The following IRF4 variants were observed in gnomAD, a reference collection of about 807,000 sequenced individuals.
The protein encoded by IRF4 is interferon regulatory factor 4.
Under a neutral mutation model 55.5 loss-of-function variants are expected in IRF4, and 13 were observed. That is an observed-to-expected ratio of 0.23 (90% CI 0.15 to 0.37). The LOEUF (loss-of-function observed/expected upper bound fraction) is 0.37. Among genes scored for constraint, IRF4 ranks in the 10% least tolerant of loss-of-function variants. The pLI, the probability that IRF4 is intolerant of heterozygous loss-of-function variation, is 1.00. For missense variants in IRF4, 397 were observed against 593.8 expected (o/e 0.67, Z 3.44); for synonymous variants, 249 against 240.7 (o/e 1.03, Z -0.32).
At chr6:407,352 C>T (rs541208374) in intron 8 of IRF4, 103 bp from the exon 9 acceptor site, 4 of 1,140,484 alleles carry the variant, frequency 3.5e-6, no homozygotes, top group Non-Finnish European at 5.0e-6. Context: ...TAGGATGTAA[C>T]TTTGGGCTTT....
chr6:395,309 T>C (rs2127437145), intron 3 of IRF4, among the ~76,000 whole-genome samples: 1 of 152,158 alleles, frequency 6.6e-6, no homozygotes, highest in African/African-American at 2.4e-5. Flanking sequence ...GAAAACTGGA[T>C]AACTTGTTAA....
At chr6:397,402 A>G (rs1761293994) in intron 5 of IRF4, 150 bp downstream of exon 5, 2 of 876,110 alleles carry the variant, frequency 2.3e-6, no homozygotes, top group African/African-American at 3.4e-5. Context: ...GGGTTTTCTC[A>G]CTCCTGTGGG....
rs1400777715 is a variant in IRF4 at position 401,714 on chromosome 6, C to T, written c.1036C>T (p.Arg346Trp). Residue 346 changes from arginine (R) to tryptophan (W), a missense_variant, in exon 7 of 9, where the codon CGG becomes TGG. By Grantham distance (101) the Arg-to-Trp change is moderately radical. Coordinates refer to ENST00000380956, the MANE Select transcript of IRF4 (RefSeq NM_002460.4). ...CGGGCCCCTGGCGCTGTGCAACGAC[C>T]GGCCCAACAAACTGGAGAGAGACCA... ...WDGPLALCND[R>W]PNKLERDQTC... The T allele has an allele frequency of 3.1e-6, 5 of 1,614,078 alleles. No homozygotes were observed. Among genetic ancestry groups the T allele is most frequent in the East Asian group, 2.2e-5 (1 of 44,900 alleles).
chr6:393,766 G>A lies in IRF4; in HGVS notation c.216+398G>A, dbSNP rs9328167. On this transcript the variant is annotated intron_variant, in intron 2 of 8. Coordinates refer to ENST00000380956, the MANE Select transcript of IRF4 (RefSeq NM_002460.4). The surrounding 1 kb of genome is among the most constrained non-coding windows in gnomAD (Gnocchi z 5.4). ...TCCCCCTCGCCCTCTCCGTGCGTCC[G>A]CGCCTGTGCCGGCGGCTGTTTTCGT... Among the ~76,000 whole-genome samples, 807 of 152,316 alleles carry A rather than the reference G, an allele frequency of 5.3e-3. 12 individuals carry two copies. The highest frequency in any genetic ancestry group is 0.019 in the African/African-American group (771 of 41,566).
Position 393,302 on chromosome 6 carries a change from C to T in IRF4, c.150C>T (p.Phe50=), listed in dbSNP as rs747212033. The part of the protein sequence containing the change: ...LVWENEEKSI[F]RIPWKHAGKQ... ...GGGAGAACGAGGAGAAGAGCATCTT[C>T]CGCATCCCCTGGAAGCACGCGGGCA... is the stretch of plus-strand genomic sequence containing the variant. The change falls in exon 2 of 9, where the codon TTC becomes TTT. Residue 50 remains phenylalanine (F), a synonymous_variant. Coordinates refer to ENST00000380956, the MANE Select transcript of IRF4 (RefSeq NM_002460.4). This position sits in a 1 kb window ranked among gnomAD's most constrained non-coding sequence, Gnocchi z 5.4. 37 of 1,608,200 alleles carry T rather than the reference C, an allele frequency of 2.3e-5. No individual in the cohort carries two copies. The South Asian group carries it at 3.5e-4, about 15-fold the overall frequency.
Position 395,883 on chromosome 6 carries a change from C to G in IRF4, c.440C>G (p.Ser147Cys). The change falls in exon 4 of 9, where the codon TCC (serine) becomes TGC (cysteine). Residue 147 changes from serine to cysteine, a missense_variant. Coordinates refer to ENST00000380956, the MANE Select transcript of IRF4 (RefSeq NM_002460.4). ...KQLTLEDPQM[S>C]MSHPYTMTTP... ...CTCACCCTGGAGGACCCGCAGATGT[C>G]CATGAGCCACCCCTACACCATGACA... 1 of 1,613,914 alleles carries G rather than the reference C, an allele frequency of 6.2e-7. No homozygotes were observed. The highest frequency in any genetic ancestry group is 8.5e-7 in the Non-Finnish European group (1 of 1,179,896).
intron 8 of IRF4, 97 bp downstream of exon 8, chr6:405,227 A>G: frequency 1.4e-6 from 1 of 709,534 alleles, no homozygotes; most frequent in Non-Finnish European, 2.4e-6. Flanking sequence ...GTAAATGTCA[A>G]ATGACCTGGA....
At chr6:392,996 C>T (rs1581220548) in intron 1 of IRF4, 102 bp from the exon 2 acceptor site, 1 of 660,254 alleles carries the variant, frequency 1.5e-6, no homozygotes, top group Non-Finnish European at 2.4e-6. Context: ...CGCTTCGCAG[C>T]CTCAAAGACT....
At chr6:398,527 C>T (rs764730571) in intron 5 of IRF4, among the ~76,000 whole-genome samples, 5 of 152,244 alleles carry the variant, frequency 3.3e-5, no homozygotes, top group Non-Finnish European at 7.3e-5. Flanking sequence ...AAGGACAAAG[C>T]ATGTCATCTG....
At chr6:396,643 C>T (rs1310147315) in intron 4 of IRF4, among the ~76,000 whole-genome samples, 8 of 38,198 alleles carry the variant, frequency 2.1e-4, no homozygotes, top group Non-Finnish European at 5.2e-4. Flanking sequence ...CCTTTACCCC[C>T]GTCTCGATGC....
chr6:410,878 G>T lies in IRF4; in HGVS notation c.*3280G>T, dbSNP rs1050244674. The T allele has an allele frequency of 7.7e-5, 18 of 232,606 alleles. 1 individual carries two copies. Among genetic ancestry groups the T allele is most frequent in the Admixed American group, 2.8e-4 (5 of 17,762 alleles). The allele number at this position is 232,606 out of a possible 1,614,324, so 14.4% of individuals were successfully genotyped here. A position where few individuals can be genotyped will look rare whatever the true frequency, so the allele number is the denominator to read the frequency against. On this transcript the variant is annotated 3_prime_UTR_variant, in exon 9 of 9. Transcript: ENST00000380956. ...TCTGAATGGTGCGTGAAGGCTCTCA[G>T]ACCTTACACACCATTTTGTAAGTTA... is the stretch of plus-strand genomic sequence containing the variant.
At chr6:406,432 C>G (rs1216310521) in intron 8 of IRF4, among the ~76,000 whole-genome samples, 2 of 152,106 alleles carry the variant, frequency 1.3e-5, no homozygotes. Flanking sequence ...ATCCCAGCTA[C>G]TCGGGAGGCT....
chr6:393,905 C>T lies in IRF4; in HGVS notation c.216+537C>T, dbSNP rs1011103614. On this transcript the variant is annotated intron_variant, in intron 2 of 8. Transcript: ENST00000380956. This position sits in a 1 kb window ranked among gnomAD's most constrained non-coding sequence, Gnocchi z 5.4. ...CGCTCCTGCTAGCTCTCTGCGGGTA[C>T]TCCCACCTCTGTCTTTCTCTTTGTG... 6.6e-6 allele frequency among the ~76,000 whole-genome samples: 1 copy of T among 152,168 alleles called. No individual in the cohort carries two copies. The highest frequency in any genetic ancestry group is 2.4e-5 in the African/African-American group (1 of 41,444).
intron 7 of IRF4, among the ~76,000 whole-genome samples, chr6:402,424 T>TGGAGGGAGCCTCCCGCGTG (rs372816317): frequency 0.012 from 1,855 of 151,852 alleles, 39 homozygotes; most frequent in African/African-American, 0.043. Flanking sequence ...GCTGTCCAGG[T>TGGAGGGAGCCTCCCGCGTG]GGAGGGAGCC....
At chr6:404,774 G>A (rs1761500845) in intron 7 of IRF4, among the ~76,000 whole-genome samples, 1 of 152,232 alleles carries the variant, frequency 6.6e-6, no homozygotes, top group South Asian at 2.1e-4. Flanking sequence ...TTCTTTAGCT[G>A]TCGACTAGTT....
intron 8 of IRF4, among the ~76,000 whole-genome samples, chr6:406,541 C>CA (rs887381640): frequency 5.4e-4 from 65 of 119,756 alleles, no homozygotes; most frequent in East Asian, 1.1e-3. Flanking sequence ...GACTCTGTCT[C>CA]AAAAAAAAAA....
intron 6 of IRF4, among the ~76,000 whole-genome samples, chr6:399,648 T>C (rs1159035089): frequency 1.3e-5 from 2 of 152,232 alleles, no homozygotes; most frequent in Admixed American, 6.5e-5. Flanking sequence ...TGTTTTTATA[T>C]TAAAACCAAA....
Position 407,690 on chromosome 6 carries a change from G to A in IRF4, c.*92G>A. On this transcript the variant is annotated 3_prime_UTR_variant, in exon 9 of 9. Coordinates refer to ENST00000380956, the MANE Select transcript of IRF4 (RefSeq NM_002460.4). ...GTCTTGCTCTGTCTCCCAGGCTGGA[G>A]TGCAGTGACACAATCTCAGCTCACT... 8.4e-7 allele frequency: 1 copy of A among 1,190,762 alleles called. No individual in the cohort carries two copies. The highest frequency in any genetic ancestry group is 1.2e-6 in the Non-Finnish European group (1 of 853,534). The allele number at this position is 1,190,762 out of a possible 1,614,324, so 73.8% of individuals were successfully genotyped here.
At chr6:397,081 A>G in intron 4 of IRF4, 27 bp from the exon 5 acceptor site, 1 of 1,612,202 alleles carries the variant, frequency 6.2e-7, no homozygotes, top group Non-Finnish European at 8.5e-7. Flanking sequence ...AGTGCTTCTT[A>G]TCTCAGCCTC....
Sources: gnomAD v4.1 joint callset for allele counts (sites outside exome capture counted in the v4.1 genomes callset) on GRCh38, gnomAD v4.1.1 for gene constraint, Gnocchi (gnomAD v3.1) non-coding constraint, MANE v1.5 for transcripts, NCBI Gene and HGNC (gene_info 2026-07-23, HGNC 2026-07-21) for gene names.